BMP5: variants seen among roughly 807,000 people sequenced by gnomAD.
The protein encoded by BMP5 is bone morphogenetic protein 5.
In BMP5, 23 loss-of-function variants were observed where a neutral mutation model predicts 46.6. That is an observed-to-expected ratio of 0.49 (90% confidence interval 0.35 to 0.70). BMP5 has a LOEUF of 0.70. Among genes scored for constraint, BMP5 ranks in the 30% least tolerant of loss-of-function variants. The pLI is 0.00. For synonymous variants in BMP5, 204 were observed against 191.9 expected, an observed-to-expected ratio of 1.06 and a Z score of -0.52; for missense variants, 545 against 565.6, an observed-to-expected ratio of 0.96 and a Z score of 0.37.
At chr6:55,780,397 A>C (rs1173774640) in intron 3 of BMP5, among the ~76,000 whole-genome samples, 2 of 149,670 alleles carry the variant, frequency 1.3e-5, no homozygotes, top group Admixed American at 6.7e-5. Context: ...AAGGTGGGCC[A>C]ATCACAAGGT....
chr6:55,801,328 A>G (rs1028766983), intron 2 of BMP5, among the ~76,000 whole-genome samples: 1 of 152,230 alleles, frequency 6.6e-6, no homozygotes, highest in African/African-American at 2.4e-5. Flanking sequence ...CAGCTCCTTC[A>G]GATCCCACTA....
chr6:55,788,952 C>A (rs994251823), intron 3 of BMP5, among the ~76,000 whole-genome samples: 1 of 148,674 alleles, frequency 6.7e-6, no homozygotes, highest in African/African-American at 2.5e-5. Context: ...CCTCTGAAAT[C>A]TTTTTTTTTT....
chr6:55,831,204 C>T (rs1776655994), intron 1 of BMP5, among the ~76,000 whole-genome samples: 1 of 152,016 alleles, frequency 6.6e-6, no homozygotes, highest in South Asian at 2.1e-4. Context: ...AGGAAAAGAC[C>T]AAGTTTCCAC....
intron 1 of BMP5, among the ~76,000 whole-genome samples, chr6:55,854,099 A>T (rs1458527430): frequency 6.6e-6 from 1 of 152,182 alleles, no homozygotes; most frequent in Non-Finnish European, 1.5e-5. Context: ...TCTGAAATTG[A>T]TGGAGAAAAA....
At chr6:55,777,863 A>G (rs1250202473) in intron 3 of BMP5, among the ~76,000 whole-genome samples, 1 of 151,990 alleles carries the variant, frequency 6.6e-6, no homozygotes, top group Non-Finnish European at 1.5e-5. Flanking sequence ...TACTGGGAAG[A>G]CAAGGTAGCA....
chr6:55,802,486 G>T (rs1289715317), intron 2 of BMP5, among the ~76,000 whole-genome samples: 1 of 152,036 alleles, frequency 6.6e-6, no homozygotes, highest in African/African-American at 2.4e-5. Flanking sequence ...ACAGTTCATT[G>T]CAGGCATTAT....
chr6:55,806,897 T>C (rs927181573), intron 2 of BMP5, among the ~76,000 whole-genome samples: 4 of 152,186 alleles, frequency 2.6e-5, no homozygotes, highest in African/African-American at 9.7e-5. Flanking sequence ...TAGGAATGCT[T>C]GTGATTTTTG....
Position 55,875,117 on chromosome 6 carries a change from T to C in BMP5, c.-252A>G, listed in dbSNP as rs1777878847. ...CAGATTTCCAATTATCCACAGTTGT[T>C]AAGAGTTTTTGCTGCATTGATGTAG... On this transcript the variant is annotated 5_prime_UTR_variant, in exon 1 of 7. Coordinates refer to ENST00000370830, the MANE Select transcript of BMP5 (RefSeq NM_021073.4). The C allele has an allele frequency of 2.3e-6, 1 of 426,226 alleles. No homozygotes were observed. The allele number at this position is 426,226 out of a possible 1,614,324, so 26.4% of individuals were successfully genotyped here.
At chr6:55,851,789 C>A (rs1777249575) in intron 1 of BMP5, among the ~76,000 whole-genome samples, 1 of 151,972 alleles carries the variant, frequency 6.6e-6, no homozygotes, top group Non-Finnish European at 1.5e-5. Flanking sequence ...ATAGAAAGCA[C>A]CTGATAATAA....
chr6:55,797,482 C>G (rs549273410), intron 2 of BMP5, among the ~76,000 whole-genome samples: 1 of 152,156 alleles, frequency 6.6e-6, no homozygotes, highest in African/African-American at 2.4e-5. Context: ...AAAAATAATT[C>G]CATAAATCCT....
At chr6:55,852,928 G>T (rs184598092) in intron 1 of BMP5, among the ~76,000 whole-genome samples, 1 of 151,868 alleles carries the variant, frequency 6.6e-6, no homozygotes, top group Non-Finnish European at 1.5e-5. Flanking sequence ...TCAGGAGATC[G>T]AGACCATCCT....
At chr6:55,782,631 G>A (rs957299289) in intron 3 of BMP5, among the ~76,000 whole-genome samples, 1 of 152,082 alleles carries the variant, frequency 6.6e-6, no homozygotes, top group Non-Finnish European at 1.5e-5. Flanking sequence ...TATCAGTTGT[G>A]TTACTTCAGA....
intron 2 of BMP5, among the ~76,000 whole-genome samples, chr6:55,798,763 T>C (rs1383685175): frequency 6.6e-6 from 1 of 152,250 alleles, no homozygotes; most frequent in African/African-American, 2.4e-5. Flanking sequence ...TGACTCATCA[T>C]GACCAGAAGT....
At chr6:55,809,093 T>C (rs1384255987) in intron 2 of BMP5, among the ~76,000 whole-genome samples, 1 of 152,234 alleles carries the variant, frequency 6.6e-6, no homozygotes, top group East Asian at 1.9e-4. Context: ...TCTAAAGTTA[T>C]CTTCCTTCTT....
intron 4 of BMP5, among the ~76,000 whole-genome samples, chr6:55,768,550 T>C (rs2127518879): frequency 6.6e-6 from 1 of 152,076 alleles, no homozygotes; most frequent in South Asian, 2.1e-4. Context: ...GAGCTTATGG[T>C]ACTGCAAACT....
chr6:55,822,339 T>A (rs1457990544), intron 1 of BMP5, among the ~76,000 whole-genome samples: 1 of 152,192 alleles, frequency 6.6e-6, no homozygotes, highest in Non-Finnish European at 1.5e-5. Flanking sequence ...TTAACTGACA[T>A]GAAGTGATTT....
intron 1 of BMP5, among the ~76,000 whole-genome samples, chr6:55,835,133 T>C (rs953710177): frequency 2.0e-5 from 3 of 151,920 alleles, no homozygotes; most frequent in Non-Finnish European, 2.9e-5. Context: ...GAAAAATTCA[T>C]TGTGAATAGC....
chr6:55,839,506 G>A (rs1196503754), intron 1 of BMP5, among the ~76,000 whole-genome samples: 1 of 151,996 alleles, frequency 6.6e-6, no homozygotes, highest in South Asian at 2.1e-4. Context: ...GTAAAGACAG[G>A]CTCCCAATAT....
intron 1 of BMP5, among the ~76,000 whole-genome samples, chr6:55,839,698 A>G (rs1776904854): frequency 6.6e-6 from 1 of 152,020 alleles, no homozygotes. Context: ...TTATATGTAC[A>G]TTTTCTTTAC....
Sources: allele counts gnomAD v4.1 joint callset (sites outside exome capture counted in the v4.1 genomes callset), GRCh38; gene constraint gnomAD v4.1.1; transcripts MANE v1.5; gene names NCBI Gene and HGNC (gene_info 2026-07-23, HGNC 2026-07-21).